NT5E: variants seen among roughly 807,000 people sequenced by gnomAD.
The protein encoded by NT5E is 5'-nucleotidase.
NT5E carries 53 observed loss-of-function variants against 55.1 expected under a neutral mutation model. The observed-to-expected ratio is 0.96, with a 90% CI of 0.77 to 1.21. The LOEUF (loss-of-function observed/expected upper bound fraction) is 1.21. Ranked by LOEUF, NT5E falls within the 50% of genes most tolerant of loss-of-function variation. The pLI, the probability that NT5E is intolerant of heterozygous loss-of-function variation, is 0.00. For missense variants in NT5E, 683 were observed against 724.3 expected, an observed-to-expected ratio of 0.94 and a Z score of 0.65; for synonymous variants, 270 against 278.4, an observed-to-expected ratio of 0.97 and a Z score of 0.30.
chr6:85,484,223 A>C (rs1769604720), intron 3 of NT5E, among the ~76,000 whole-genome samples: 2 of 152,210 alleles, frequency 1.3e-5, no homozygotes, highest in Non-Finnish European at 2.9e-5. Context: ...TAGAAACAGT[A>C]ATGGGGTCAA....
At chr6:85,453,032 A>G (rs1426377584) in intron 1 of NT5E, among the ~76,000 whole-genome samples, 9 of 152,190 alleles carry the variant, frequency 5.9e-5, no homozygotes, top group Admixed American at 5.9e-4. Context: ...AAGGAGGTGT[A>G]CACTTTCTAG....
chr6:85,470,596 C>T (rs929347535), intron 2 of NT5E, among the ~76,000 whole-genome samples: 25 of 152,176 alleles, frequency 1.6e-4, no homozygotes, highest in African/African-American at 6.0e-4. Flanking sequence ...CATGTGCCTC[C>T]ACGCCTGAAT....
intron 2 of NT5E, among the ~76,000 whole-genome samples, chr6:85,468,678 A>G (rs1396604590): frequency 2.6e-5 from 4 of 152,200 alleles, no homozygotes; most frequent in African/African-American, 7.2e-5. Context: ...AGGAAAAGCT[A>G]GAAAGTTGGA....
chr6:85,464,381 A>T (rs1462969743), intron 1 of NT5E, among the ~76,000 whole-genome samples: 3 of 152,064 alleles, frequency 2.0e-5, no homozygotes, highest in Non-Finnish European at 4.4e-5. Context: ...TCATTTCCTT[A>T]ACTGCTTTTA....
At chr6:85,488,173 G>A (rs1378775967) in intron 5 of NT5E, among the ~76,000 whole-genome samples, 8 of 152,156 alleles carry the variant, frequency 5.3e-5, no homozygotes, top group Admixed American at 1.3e-4. Context: ...GAACAAGCCC[G>A]TCTACTTGTC....
At chr6:85,488,729 C>T (rs1300428337) in intron 5 of NT5E, among the ~76,000 whole-genome samples, 4 of 151,858 alleles carry the variant, frequency 2.6e-5, no homozygotes, top group Non-Finnish European at 5.9e-5. Flanking sequence ...TAGAGGTGTC[C>T]ACTACCACAC....
chr6:85,487,143 A>G (rs1490739947), intron 4 of NT5E, among the ~76,000 whole-genome samples, 192 bp from the exon 5 acceptor site: 1 of 152,234 alleles, frequency 6.6e-6, no homozygotes, highest in African/African-American at 2.4e-5. Context: ...ATTAAGATGC[A>G]TTCCAGGTCT....
At chr6:85,479,957 G>A (rs1769511902) in intron 3 of NT5E, among the ~76,000 whole-genome samples, 1 of 152,098 alleles carries the variant, frequency 6.6e-6, no homozygotes, top group Non-Finnish European at 1.5e-5. Flanking sequence ...TCCATGTGAA[G>A]AGAAGAGGCT....
chr6:85,469,080 G>C (rs1769252125), intron 2 of NT5E, among the ~76,000 whole-genome samples: 1 of 152,160 alleles, frequency 6.6e-6, no homozygotes, highest in South Asian at 2.1e-4. Context: ...AGTCCTAGTG[G>C]CCTGGGCACC....
At chr6:85,487,746 G>A (rs1298281231) in intron 5 of NT5E, among the ~76,000 whole-genome samples, 1 of 152,204 alleles carries the variant, frequency 6.6e-6, no homozygotes, top group Non-Finnish European at 1.5e-5. Flanking sequence ...GCGAGACTCT[G>A]TCTCTAAAAT....
At chr6:85,483,808 T>G (rs571738684) in intron 3 of NT5E, among the ~76,000 whole-genome samples, 1 of 152,188 alleles carries the variant, frequency 6.6e-6, no homozygotes, top group Non-Finnish European at 1.5e-5. Context: ...AAGATGCAAA[T>G]CCTGGGTTTG....
At chr6:85,456,807 G>T (rs544745197) in intron 1 of NT5E, among the ~76,000 whole-genome samples, 2 of 152,278 alleles carry the variant, frequency 1.3e-5, no homozygotes, top group East Asian at 3.9e-4. Context: ...GAGTAAACGT[G>T]GGGGTGAGAC....
chr6:85,469,828 C>A (rs2127720938), intron 2 of NT5E, among the ~76,000 whole-genome samples: 1 of 152,292 alleles, frequency 6.6e-6, no homozygotes, highest in East Asian at 1.9e-4. Flanking sequence ...ATGATGTCAG[C>A]CATGAATTAT....
At chr6:85,463,991 A>G (rs191201966) in intron 1 of NT5E, among the ~76,000 whole-genome samples, 1 of 152,142 alleles carries the variant, frequency 6.6e-6, no homozygotes, top group East Asian at 1.9e-4. Flanking sequence ...TTCAACAGTG[A>G]ATCCCTGCCA....
intron 1 of NT5E, among the ~76,000 whole-genome samples, chr6:85,463,832 C>T (rs1769139312): frequency 6.6e-6 from 1 of 152,066 alleles, no homozygotes; most frequent in African/African-American, 2.4e-5. Flanking sequence ...AGAAGAAAAA[C>T]TGGTAGAAGG....
intron 2 of NT5E, among the ~76,000 whole-genome samples, chr6:85,469,553 A>G (rs1357138418): frequency 6.6e-6 from 1 of 152,162 alleles, no homozygotes; most frequent in African/African-American, 2.4e-5. Context: ...GCAGGGGGGA[A>G]GGTATACCTT....
chr6:85,450,323 G>A lies in NT5E; in HGVS notation c.184G>A (p.Ala62Thr), dbSNP rs200250022. Reference sequence around the variant, plus strand: ...CGCCAGCCGCTGCATGGGTGGCGTGGCTCGGCTCTTCACCAAGGTTCAGCA... The same window carrying A: ...CGCCAGCCGCTGCATGGGTGGCGTGACTCGGCTCTTCACCAAGGTTCAGCA... ...VNASRCMGGV[A>T]RLFTKVQQIR... The change falls in exon 1 of 9, where the codon GCT (alanine) becomes ACT (threonine). Residue 62 changes from alanine (A) to threonine (T), a missense_variant. Transcript: ENST00000257770. This position sits in a 1 kb window ranked among gnomAD's most constrained non-coding sequence, Gnocchi z 4.0. 1.9e-6 allele frequency: 3 copies of A among 1,600,798 alleles called. No individual in the cohort carries two copies. The highest frequency in any genetic ancestry group is 2.6e-6 in the Non-Finnish European group (3 of 1,174,992).
rs202181475 is a variant in NT5E at position 85,493,857 on chromosome 6, C to T, written c.1578C>T (p.Asn526=). The T allele has an allele frequency of 1.9e-5, 31 of 1,613,424 alleles. No homozygotes were observed. The East Asian group carries it at 4.0e-4, about 21-fold the overall frequency. Residue 526 remains asparagine, a synonymous_variant, in exon 9 of 9, where the codon AAC becomes AAT. Transcript: ENST00000257770. ...LRHDSGDQDI[N]VVSTYISKMK... ...TTTTTCTAGGTGACCAAGATATCAACGTGGTTTCTACATATATCTCCAAAA... is the reference window on the plus strand; with the variant it reads ...TTTTTCTAGGTGACCAAGATATCAATGTGGTTTCTACATATATCTCCAAAA...
chr6:85,470,855 C>T lies in NT5E; in HGVS notation c.563-382C>T, dbSNP rs536830170. On this transcript the variant is annotated intron_variant, in intron 2 of 8. Transcript: ENST00000257770. ...AACACTGATTATCCCAAGTTTCCAACGAACGTCTTGGAGTTGCTAATACTC... is the reference window on the plus strand; with the variant it reads ...AACACTGATTATCCCAAGTTTCCAATGAACGTCTTGGAGTTGCTAATACTC... Among the ~76,000 whole-genome samples, 6 of 152,346 alleles carry T rather than the reference C, an allele frequency of 3.9e-5. No individual in the cohort carries two copies. In the East Asian group the frequency reaches 5.8e-4, roughly 15 times the overall value.
Sources: allele counts gnomAD v4.1 joint callset (sites outside exome capture counted in the v4.1 genomes callset), GRCh38; gene constraint gnomAD v4.1.1; non-coding constraint Gnocchi (gnomAD v3.1); transcripts MANE v1.5; gene names NCBI Gene and HGNC (gene_info 2026-07-23, HGNC 2026-07-21).